The following ROR1 variants were observed in gnomAD, a reference collection of about 807,000 sequenced individuals.
ROR1 encodes the protein inactive tyrosine-protein kinase transmembrane receptor ROR1.
Under a neutral mutation model 78.8 loss-of-function variants are expected in ROR1, and 19 were observed. That is an observed-to-expected ratio of 0.24 (90% CI 0.17 to 0.35). ROR1 has a LOEUF of 0.35. ROR1 is among the 10% of genes least tolerant of loss of function. The pLI is 1.00. For missense variants in ROR1, 917 were observed against 1,177.8 expected, an observed-to-expected ratio of 0.78 and a Z score of 3.24; for synonymous variants, 386 against 433.6, an observed-to-expected ratio of 0.89 and a Z score of 1.36.
At position 63,802,077 on chromosome 1, in the gene ROR1, A is replaced by G. The variant is rs1644800865; in HGVS notation, c.91+27569A>G. ...TGGGGGAGGGGAGGAGGTTATTTTT[A>G]TTTCACTTTCCAAAGAATTGGGCTT... On this transcript the variant is annotated intron_variant, in intron 1 of 8. Transcript: ENST00000371079. Among the ~76,000 whole-genome samples the G allele has an allele frequency of 2.0e-5, 3 of 152,116 alleles. No individual in the cohort carries two copies. In the South Asian group the frequency reaches 6.2e-4, roughly 32 times the overall value.
intron 4 of ROR1, among the ~76,000 whole-genome samples, chr1:64,088,827 T>C (rs1263712039): frequency 6.6e-6 from 1 of 152,148 alleles, no homozygotes; most frequent in Non-Finnish European, 1.5e-5. Flanking sequence ...TGAAGGGTTG[T>C]TTTGAAATCC....
intron 1 of ROR1, among the ~76,000 whole-genome samples, chr1:64,004,049 A>C (rs746748387): frequency 1.3e-5 from 2 of 152,242 alleles, no homozygotes; most frequent in Non-Finnish European, 2.9e-5. Flanking sequence ...CTGAGAATAC[A>C]TACCACATCT....
At chr1:64,166,197 G>A (rs142531193) in intron 8 of ROR1, among the ~76,000 whole-genome samples, 352 of 152,224 alleles carry the variant, frequency 2.3e-3, no homozygotes, top group Middle Eastern at 6.8e-3. Context: ...TCTAATTTCC[G>A]AGTTCTCTAT....
At chr1:64,141,324 G>A (rs1027572908) in intron 6 of ROR1, among the ~76,000 whole-genome samples, 1 of 150,378 alleles carries the variant, frequency 6.6e-6, no homozygotes, top group East Asian at 2.0e-4. Context: ...GAAGGTGAAC[G>A]GAGAGCAAGC....
intron 1 of ROR1, among the ~76,000 whole-genome samples, chr1:63,824,123 T>G (rs919406403): frequency 6.6e-6 from 1 of 152,194 alleles, no homozygotes; most frequent in Admixed American, 6.5e-5. Flanking sequence ...AAGTTTTTTT[T>G]CTCCTAATGA....
intron 7 of ROR1, among the ~76,000 whole-genome samples, chr1:64,155,140 C>A (rs986252058): frequency 2.0e-5 from 3 of 152,058 alleles, no homozygotes; most frequent in African/African-American, 7.3e-5. Flanking sequence ...TTTTTCCTTT[C>A]TCGGTCTTAA....
Position 63,877,235 on chromosome 1 carries a change from A to C in ROR1, c.91+102727A>C, listed in dbSNP as rs113293817. On this transcript the variant is annotated intron_variant, in intron 1 of 8. Transcript: ENST00000371079. ...TTGAAAGAAAAATTCCTCTGGGTAC[A>C]GAGTTAAATTCCTCTGCGTGTGGAA... Among the ~76,000 whole-genome samples the C allele has an allele frequency of 8.1e-4, 124 of 152,282 alleles. 1 individual carries two copies. The highest frequency in any genetic ancestry group is 2.6e-3 in the African/African-American group (108 of 41,574).
At position 64,159,147 on chromosome 1, in the gene ROR1, A is replaced by C. The variant is rs1055996290; in HGVS notation, c.1341A>C (p.Arg447Ser). The stretch of plus-strand genomic sequence containing the variant: ...TCCAGAGGCAACCAAAACACGTCAG[A>C]GGTCAAAATGTAGAGATGTCAATGC... ...APVQRQPKHVRGQNVEMSMLN... is the reference protein window; with the variant it reads ...APVQRQPKHVSGQNVEMSMLN... The change falls in exon 8 of 9, where the codon AGA becomes AGC. Residue 447 changes from arginine (R) to serine (S), a missense_variant. Physicochemically the swap from Arg to Ser is moderately radical, Grantham distance 110. Coordinates refer to ENST00000371079, the MANE Select transcript of ROR1 (RefSeq NM_005012.4). The C allele has an allele frequency of 1.2e-6, 2 of 1,614,058 alleles. No homozygotes were observed. The highest frequency in any genetic ancestry group is 1.7e-5 in the Admixed American group (1 of 60,002).
chr1:64,064,380 G>C, intron 4 of ROR1, among the ~76,000 whole-genome samples: 1 of 152,204 alleles, frequency 6.6e-6, no homozygotes, highest in East Asian at 1.9e-4. Context: ...CTTGGCTGCT[G>C]TCTTCCTTCA....
intron 4 of ROR1, among the ~76,000 whole-genome samples, chr1:64,061,750 C>T (rs1646918483): frequency 6.6e-6 from 1 of 152,140 alleles, no homozygotes; most frequent in African/African-American, 2.4e-5. Flanking sequence ...CTCTGGGTCC[C>T]AAGTTTCTTT....
At chr1:63,856,672 A>C (rs150459822) in intron 1 of ROR1, among the ~76,000 whole-genome samples, 1 of 152,170 alleles carries the variant, frequency 6.6e-6, no homozygotes, top group African/African-American at 2.4e-5. Flanking sequence ...TCAGGCAGTA[A>C]GCTGGAGGAC....
intron 4 of ROR1, among the ~76,000 whole-genome samples, chr1:64,084,845 AGTGGGCTGT>A (rs1647138321): frequency 1.3e-5 from 2 of 152,212 alleles, no homozygotes; most frequent in East Asian, 1.9e-4. Flanking sequence ...TTTGCCCTGC[AGTGGGCTGT>A]GCAGGTGTGT....
chr1:63,948,295 A>C (rs1444362735), intron 1 of ROR1, among the ~76,000 whole-genome samples: 1 of 152,168 alleles, frequency 6.6e-6, no homozygotes, highest in Admixed American at 6.5e-5. Context: ...GTAAGTTCTG[A>C]ATAAATAAAT....
chr1:63,873,191 G>T (rs577659340), intron 1 of ROR1, among the ~76,000 whole-genome samples: 1 of 152,206 alleles, frequency 6.6e-6, no homozygotes, highest in East Asian at 1.9e-4. Flanking sequence ...AGTCATCAAG[G>T]CTACATGGAG....
chr1:64,069,333 CT>C (rs1287288822), intron 4 of ROR1, among the ~76,000 whole-genome samples: 1 of 152,038 alleles, frequency 6.6e-6, no homozygotes, highest in African/African-American at 2.4e-5. Flanking sequence ...TTTTCCATTA[CT>C]TTTTTGTTTC....
intron 4 of ROR1, among the ~76,000 whole-genome samples, chr1:64,129,900 C>T (rs1238431273): frequency 6.6e-6 from 1 of 152,178 alleles, no homozygotes; most frequent in Non-Finnish European, 1.5e-5. Context: ...TGAAGCAAAG[C>T]CAATACCTTC....
At chr1:64,175,013 T>G (rs1569889411) in intron 8 of ROR1, among the ~76,000 whole-genome samples, 1 of 150,674 alleles carries the variant, frequency 6.6e-6, no homozygotes, top group East Asian at 1.9e-4. Flanking sequence ...TGTTTTTTTT[T>G]TTTTAAAAAA....
At chr1:63,869,873 T>G (rs908106314) in intron 1 of ROR1, among the ~76,000 whole-genome samples, 8 of 152,226 alleles carry the variant, frequency 5.3e-5, no homozygotes, top group Non-Finnish European at 1.2e-4. Flanking sequence ...GGTAAGTAAG[T>G]AACCTCACAT....
At chr1:63,972,692 G>A (rs2100498972) in intron 1 of ROR1, among the ~76,000 whole-genome samples, 1 of 152,216 alleles carries the variant, frequency 6.6e-6, no homozygotes, top group Admixed American at 6.5e-5. Context: ...AGAAGGTTGG[G>A]CATGACCCAC....
Sources: gnomAD v4.1 joint callset for allele counts (sites outside exome capture counted in the v4.1 genomes callset) on GRCh38, gnomAD v4.1.1 for gene constraint, MANE v1.5 for transcripts, NCBI Gene and HGNC (gene_info 2026-07-23, HGNC 2026-07-21) for gene names.